FTCDNL1: variants seen among roughly 807,000 people sequenced by gnomAD.
FTCDNL1 encodes formiminotransferase cyclodeaminase N-terminal like, also known as formiminotransferase N-terminal subdomain-containing protein.
FTCDNL1 carries 11 observed loss-of-function variants against 5.9 expected under a neutral mutation model. The ratio of observed to expected loss-of-function variants is 1.87; its 90% CI spans 1.18 to 3.10. FTCDNL1 has a LOEUF of 3.10. Ranked by LOEUF, FTCDNL1 falls within the 30% of genes most tolerant of loss-of-function variation. The pLI is 0.00. For missense variants in FTCDNL1, 115 were observed against 65.5 expected (o/e 1.76, Z -2.61); for synonymous variants, 58 against 24.8 (o/e 2.34, Z -3.99).
the FTCDNL1 span, among the ~76,000 whole-genome samples, chr2:199,745,439 C>T: frequency 6.6e-6 from 1 of 152,214 alleles, no homozygotes; most frequent in Admixed American, 6.5e-5. Context: ...TTTAAATCTG[C>T]TTTCCCATTT....
the FTCDNL1 span, among the ~76,000 whole-genome samples, chr2:199,663,988 G>A: frequency 0.1 from 15,927 of 151,806 alleles, 1,174 homozygotes; most frequent in Middle Eastern, 0.23. Context: ...TTCACACAGG[G>A]AGAGACGGAT....
chr2:199,668,170 C>T, the FTCDNL1 span, among the ~76,000 whole-genome samples: 1 of 152,018 alleles, frequency 6.6e-6, no homozygotes, highest in Admixed American at 6.6e-5. Context: ...CATTTTGGAC[C>T]TACTGGAAAC....
At chr2:199,664,369 A>T in the FTCDNL1 span, among the ~76,000 whole-genome samples, 6 of 152,176 alleles carry the variant, frequency 3.9e-5, no homozygotes, top group Non-Finnish European at 8.8e-5. Flanking sequence ...TTAATGTCTA[A>T]GAAAACTGAA....
chr2:199,800,392 C>T (rs910201165), intron 3 of FTCDNL1, among the ~76,000 whole-genome samples: 1 of 152,142 alleles, frequency 6.6e-6, no homozygotes, highest in African/African-American at 2.4e-5. Context: ...AAATGCTTGG[C>T]ATGTACTCAG....
chr2:199,836,858 T>C (rs1226130296), intron 3 of FTCDNL1, among the ~76,000 whole-genome samples: 1 of 152,172 alleles, frequency 6.6e-6, no homozygotes, highest in African/African-American at 2.4e-5. Context: ...CCTGCTGAGA[T>C]GGGCCTCAGA....
chr2:199,701,560 G>T, the FTCDNL1 span, among the ~76,000 whole-genome samples: 1 of 152,102 alleles, frequency 6.6e-6, no homozygotes, highest in South Asian at 2.1e-4. Flanking sequence ...AATCAACCTA[G>T]ATGTCCATCA....
chr2:199,814,756 A>T (rs564804732), intron 4 of FTCDNL1, among the ~76,000 whole-genome samples: 1 of 152,342 alleles, frequency 6.6e-6, no homozygotes, highest in African/African-American at 2.4e-5. Context: ...GATTTTTAAA[A>T]ATAGGCTCCC....
chr2:199,778,651 T>G (rs1220883756), intron 3 of FTCDNL1, among the ~76,000 whole-genome samples: 2 of 152,192 alleles, frequency 1.3e-5, no homozygotes, highest in African/African-American at 2.4e-5. Context: ...TTCTGCAGAC[T>G]TGACATACCT....
chr2:199,822,235 T>C (rs1701739524), intron 3 of FTCDNL1, among the ~76,000 whole-genome samples: 2 of 151,986 alleles, frequency 1.3e-5, no homozygotes, highest in South Asian at 2.1e-4. Context: ...AGACACCAAC[T>C]CTACAAAAAA....
At chr2:199,747,663 C>T in the FTCDNL1 span, among the ~76,000 whole-genome samples, 230 of 152,192 alleles carry the variant, frequency 1.5e-3, 2 homozygotes, top group African/African-American at 5.3e-3. Context: ...GGCCAGCTCG[C>T]ATCGTTTATG....
At chr2:199,717,112 C>A in the FTCDNL1 span, among the ~76,000 whole-genome samples, 1 of 152,114 alleles carries the variant, frequency 6.6e-6, no homozygotes. Context: ...GCCCAAAGAG[C>A]AATAGAGAAT....
At chr2:199,781,938 C>T (rs1327992127) in intron 3 of FTCDNL1, among the ~76,000 whole-genome samples, 2 of 152,132 alleles carry the variant, frequency 1.3e-5, no homozygotes, top group Admixed American at 6.5e-5. Flanking sequence ...CGCCACCACA[C>T]CTGGCTAATT....
chr2:199,830,628 G>A (rs190202704), intron 3 of FTCDNL1, among the ~76,000 whole-genome samples: 359 of 152,180 alleles, frequency 2.4e-3, no homozygotes, highest in African/African-American at 8.1e-3. Flanking sequence ...CATCAAAGCC[G>A]TCTCATTACG....
intron 3 of FTCDNL1, chr2:199,760,979 C>T (rs184348482): frequency 2.8e-4 from 189 of 667,396 alleles, no homozygotes; most frequent in Non-Finnish European, 4.6e-4. Context: ...CAAGGCTTCA[C>T]GTTCTCTGGG....
rs1461386154 is a variant in FTCDNL1 at position 199,851,177 on chromosome 2, G to A, written c.-445C>T. On this transcript the variant is annotated 5_prime_UTR_variant, in exon 1 of 5. The change creates a new upstream start codon in the 5' untranslated region. Transcript: ENST00000420128. ...CCGCCGCGCGTGGCCCGCGCGCAGC[G>A]TCTGCCGCCGGCTCCGCCTCCCGGA... is the stretch of plus-strand genomic sequence containing the variant. 2.1e-5 allele frequency: 3 copies of A among 142,908 alleles called. No homozygotes were observed. Among genetic ancestry groups the A allele is most frequent in the African/African-American group, 7.5e-5 (3 of 39,790 alleles). 8.9% of individuals were successfully genotyped at this position (142,908 alleles called of 1,614,324 possible). A position where few individuals can be genotyped will look rare whatever the true frequency, so the allele number is the denominator to read the frequency against.
intron 3 of FTCDNL1, among the ~76,000 whole-genome samples, chr2:199,791,207 T>C (rs999694297): frequency 6.6e-6 from 1 of 152,118 alleles, no homozygotes; most frequent in Non-Finnish European, 1.5e-5. Context: ...GGTCTGTATA[T>C]AATTGTATGA....
chr2:199,724,311 T>A, the FTCDNL1 span, among the ~76,000 whole-genome samples: 1 of 152,136 alleles, frequency 6.6e-6, no homozygotes, highest in Non-Finnish European at 1.5e-5. Flanking sequence ...GTCTATATAT[T>A]TTATTAATGT....
the FTCDNL1 span, among the ~76,000 whole-genome samples, chr2:199,722,609 C>CT: frequency 6.6e-6 from 1 of 152,202 alleles, no homozygotes; most frequent in Non-Finnish European, 1.5e-5. Context: ...TATAGGGGCT[C>CT]TTTTTTGGTT....
downstream of FTCDNL1, among the ~76,000 whole-genome samples, chr2:199,760,177 G>A (rs11894129): frequency 0.022 from 3,362 of 150,788 alleles, 119 homozygotes; most frequent in African/African-American, 0.077. Flanking sequence ...CGGGGGAGTC[G>A]TAAGGAAGAA....
Sources: gnomAD v4.1 joint callset for allele counts (sites outside exome capture counted in the v4.1 genomes callset) on GRCh38, gnomAD v4.1.1 for gene constraint, MANE v1.5 for transcripts, NCBI Gene and HGNC (gene_info 2026-07-23, HGNC 2026-07-21) for gene names.